The following TEX26 variants were observed in gnomAD, a reference collection of about 807,000 sequenced individuals.
The protein encoded by TEX26 is testis expressed 26.
In TEX26, 34 loss-of-function variants were observed where a neutral mutation model predicts 35.3. The observed-to-expected ratio is 0.96, with a 90% CI of 0.73 to 1.28. The LOEUF (loss-of-function observed/expected upper bound fraction) is 1.28, where lower values mean the gene tolerates loss of function less well. TEX26 is among the 50% of genes most tolerant of loss of function. The probability of loss-of-function intolerance (pLI) is 0.00; values close to 1 mark genes in which losing one functional copy is unlikely to be tolerated. For synonymous variants in TEX26, 136 were observed against 111.8 expected (o/e 1.22, Z -1.36); for missense variants, 371 against 330.1 (o/e 1.12, Z -0.96).
Position 30,964,863 on chromosome 13 carries a change from A to G in TEX26, c.470-1359A>G, listed in dbSNP as rs575716373. Among the ~76,000 whole-genome samples the G allele has an allele frequency of 9.8e-5, 15 of 152,312 alleles. No individual in the cohort carries two copies. In the South Asian group the frequency reaches 3.1e-3, roughly 32 times the overall value. ...TTGCAATAATTAGCCCACTCCCACA[A>G]TAACAGCATTAATCCACTCATGAGG... is the stretch of plus-strand genomic sequence containing the variant. On this transcript the variant is annotated intron_variant, in intron 4 of 6. Coordinates refer to ENST00000380473, the MANE Select transcript of TEX26 (RefSeq NM_152325.3).
chr13:30,952,001 A>ATTTTTTTTTTTTTTT (rs751918742), intron 2 of TEX26, among the ~76,000 whole-genome samples: 8 of 50,712 alleles, frequency 1.6e-4, no homozygotes, highest in Admixed American at 2.9e-4. Flanking sequence ...TTATTCTGGG[A>ATTTTTTTTTTTTTTT]TTTTTTTTTT....
At chr13:30,962,394 G>T (rs117859613) in intron 4 of TEX26, among the ~76,000 whole-genome samples, 76 of 152,268 alleles carry the variant, frequency 5.0e-4, no homozygotes, top group Non-Finnish European at 8.2e-4. Context: ...ATGCCTCGTG[G>T]CCTTGTGCTG....
intron 2 of TEX26, among the ~76,000 whole-genome samples, chr13:30,949,578 TA>T (rs1953844934): frequency 6.6e-6 from 1 of 152,064 alleles, no homozygotes; most frequent in Non-Finnish European, 1.5e-5. Flanking sequence ...AAGGAAGTGT[TA>T]AAAGATTTGG....
chr13:30,957,080 A>G lies in TEX26; in HGVS notation c.469+51A>G, dbSNP rs769217501. The G allele has an allele frequency of 1.9e-6, 3 of 1,578,676 alleles. No homozygotes were observed. The South Asian group carries it at 3.4e-5, about 18-fold the overall frequency. ...TCCTGGGTCATGTGGTAGGCCCTGG[A>G]GTTGCAGTGGTCGGCAGCATGCGTG... On this transcript the variant is annotated intron_variant, in intron 4 of 6. Coordinates refer to ENST00000380473, the MANE Select transcript of TEX26 (RefSeq NM_152325.3).
intron 4 of TEX26, among the ~76,000 whole-genome samples, chr13:30,962,441 C>T (rs1954381103): frequency 6.6e-6 from 1 of 152,214 alleles, no homozygotes; most frequent in Non-Finnish European, 1.5e-5. Flanking sequence ...GAGCAGGTCT[C>T]CCTTCCTTCT....
intron 1 of TEX26, 71 bp downstream of exon 1, chr13:30,932,847 A>G (rs2138141842): frequency 6.5e-7 from 1 of 1,529,816 alleles, no homozygotes; most frequent in Non-Finnish European, 8.9e-7. Flanking sequence ...TCCTGTTGAG[A>G]AAAAGGGGCC....
chr13:30,974,898 G>A lies in TEX26; in HGVS notation c.861G>A (p.Lys287=). The change falls in exon 7 of 7, where the codon AAG becomes AAA. Residue 287 remains lysine, a synonymous_variant. Transcript: ENST00000380473. The stretch of plus-strand genomic sequence containing the variant: ...GTACTCACTGTGACACTAACAAAAA[G>A]AAGAAATGAAAAGGGAAAATAGTAC... ...FIRTHCDTNK[K]KK is the part of the protein sequence containing the mutation. 1.9e-6 allele frequency: 3 copies of A among 1,561,080 alleles called. No homozygotes were observed. Among genetic ancestry groups the A allele is most frequent in the Admixed American group, 2.0e-5 (1 of 51,120 alleles).
rs553296017 is a variant in TEX26 at position 30,970,063 on chromosome 13, T to G, written c.808+1017T>G. On this transcript the variant is annotated intron_variant, in intron 6 of 6. Coordinates refer to ENST00000380473, the MANE Select transcript of TEX26 (RefSeq NM_152325.3). The stretch of plus-strand genomic sequence containing the variant: ...TGTCCCCAGCCACAATCAGAAGAGC[T>G]TGCACCTCTGAAATCCTCGCTGAAA... Among the ~76,000 whole-genome samples the G allele has an allele frequency of 1.8e-4, 28 of 152,072 alleles. No individual in the cohort carries two copies. In the South Asian group the frequency reaches 5.4e-3, roughly 29 times the overall value.
intron 3 of TEX26, among the ~76,000 whole-genome samples, chr13:30,953,369 G>A (rs1036164110): frequency 1.3e-5 from 2 of 152,190 alleles, no homozygotes; most frequent in African/African-American, 4.8e-5. Flanking sequence ...AAAGAAGACA[G>A]GAAAAGCACT....
At chr13:30,968,697 C>T (rs1954620248) in intron 5 of TEX26, among the ~76,000 whole-genome samples, 188 bp from the exon 6 acceptor site, 1 of 152,200 alleles carries the variant, frequency 6.6e-6, no homozygotes, top group Admixed American at 6.5e-5. Flanking sequence ...GTCCCTGCAG[C>T]TCTGCTCAGC....
At position 30,974,947 on chromosome 13, in the gene TEX26, A is replaced by G. The variant is rs201582786; in HGVS notation, c.*40A>G. 1.3e-5 allele frequency: 18 copies of G among 1,382,952 alleles called. No homozygotes were observed. The East Asian group carries it at 3.5e-4, about 27-fold the overall frequency. 85.7% of individuals were successfully genotyped at this position (1,382,952 alleles called of 1,614,324 possible). A position where few individuals can be genotyped will look rare whatever the true frequency, so the allele number is the denominator to read the frequency against. On this transcript the variant is annotated 3_prime_UTR_variant, in exon 7 of 7. Coordinates refer to ENST00000380473, the MANE Select transcript of TEX26 (RefSeq NM_152325.3). Reference sequence around the variant, plus strand: ...ACAAATGAAGAAAATCTGAAAATCAATGGAAGCACGAGGACATTCCTAGTC... The same window carrying G: ...ACAAATGAAGAAAATCTGAAAATCAGTGGAAGCACGAGGACATTCCTAGTC...
intron 4 of TEX26, among the ~76,000 whole-genome samples, chr13:30,959,994 T>A (rs1482457634): frequency 1.3e-5 from 2 of 152,162 alleles, no homozygotes; most frequent in Non-Finnish European, 1.5e-5. Context: ...TTTGGAAAAA[T>A]GTGTTGAAGG....
At chr13:30,949,839 G>A (rs1319787706) in intron 2 of TEX26, among the ~76,000 whole-genome samples, 1 of 151,934 alleles carries the variant, frequency 6.6e-6, no homozygotes, top group Non-Finnish European at 1.5e-5. Flanking sequence ...AATTTCATCA[G>A]ACATCAAATC....
At chr13:30,955,823 C>T (rs934618859) in intron 3 of TEX26, among the ~76,000 whole-genome samples, 6 of 152,022 alleles carry the variant, frequency 3.9e-5, no homozygotes, top group Non-Finnish European at 7.4e-5. Flanking sequence ...AGGGCACCTG[C>T]GCGGCTCCCC....
intron 6 of TEX26, 136 bp downstream of exon 6, chr13:30,969,182 T>A (rs2138342978): frequency 1.5e-6 from 1 of 680,666 alleles, no homozygotes; most frequent in Non-Finnish European, 2.3e-6. Flanking sequence ...AAAAAAAAAC[T>A]CATAGTGTTG....
chr13:30,939,182 C>A (rs1042656561), intron 1 of TEX26, among the ~76,000 whole-genome samples: 1 of 152,118 alleles, frequency 6.6e-6, no homozygotes, highest in Non-Finnish European at 1.5e-5. Context: ...AAGAAACAGG[C>A]AAAATTGTTA....
intron 3 of TEX26, among the ~76,000 whole-genome samples, chr13:30,954,886 T>C (rs1354835733): frequency 6.6e-6 from 1 of 152,240 alleles, no homozygotes; most frequent in Non-Finnish European, 1.5e-5. Context: ...CTAAGTACTA[T>C]TGAAGGCTCT....
At chr13:30,974,194 AAGACTCCT>A (rs1231092288) in intron 6 of TEX26, among the ~76,000 whole-genome samples, 1 of 148,690 alleles carries the variant, frequency 6.7e-6, no homozygotes, top group Non-Finnish European at 1.5e-5. Flanking sequence ...AGAACCAGAC[AAGACTCCT>A]TAATGTTACA....
intron 2 of TEX26, among the ~76,000 whole-genome samples, chr13:30,940,490 C>T (rs983538208): frequency 1.3e-5 from 2 of 151,630 alleles, no homozygotes; most frequent in African/African-American, 4.9e-5. Context: ...CCCGCCACCA[C>T]ACCTGGCTAA....
Sources: gnomAD v4.1 joint callset for allele counts (sites outside exome capture counted in the v4.1 genomes callset) on GRCh38, gnomAD v4.1.1 for gene constraint, MANE v1.5 for transcripts, NCBI Gene and HGNC (gene_info 2026-07-23, HGNC 2026-07-21) for gene names.